PIWIL3: variants seen among roughly 807,000 people sequenced by gnomAD.
PIWIL3 encodes piwi like RNA-mediated gene silencing 3, also known as piwi-like protein 3.
Under a neutral mutation model 109.7 loss-of-function variants are expected in PIWIL3, and 101 were observed. The ratio of observed to expected loss-of-function variants is 0.92; its 90% CI spans 0.78 to 1.09. PIWIL3 has a LOEUF of 1.09. Among genes scored for constraint, PIWIL3 ranks in the 50% least tolerant of loss-of-function variants. PIWIL3 has a pLI of 0.00. For missense variants in PIWIL3, 1,031 were observed against 1,072.6 expected (o/e 0.96, Z 0.54); for synonymous variants, 373 against 376.4 (o/e 0.99, Z 0.10).
At chr22:24,770,586 G>A (rs1926075093) in intron 1 of PIWIL3, among the ~76,000 whole-genome samples, 1 of 150,866 alleles carries the variant, frequency 6.6e-6, no homozygotes, top group African/African-American at 2.4e-5. Context: ...ACTTTGGGAA[G>A]CTGAGGCGGG....
At chr22:24,724,158 C>T (rs773661172) in intron 18 of PIWIL3, among the ~76,000 whole-genome samples, 7 of 152,092 alleles carry the variant, frequency 4.6e-5, no homozygotes, top group Admixed American at 2.0e-4. Context: ...GTCTTCCCGG[C>T]GCTCCCCCAC....
At chr22:24,740,434 G>A (rs528517835) in intron 12 of PIWIL3, among the ~76,000 whole-genome samples, 14 of 150,662 alleles carry the variant, frequency 9.3e-5, no homozygotes, top group African/African-American at 2.2e-4. Flanking sequence ...TGTAGTCCCC[G>A]TTGCTTGGGA....
At chr22:24,761,071 T>A (rs964697466) in intron 2 of PIWIL3, among the ~76,000 whole-genome samples, 2 of 151,958 alleles carry the variant, frequency 1.3e-5, no homozygotes, top group African/African-American at 2.4e-5. Context: ...GTCCTTCTGA[T>A]GAGGTGGGTA....
At chr22:24,721,325 T>C (rs1922661426) in intron 19 of PIWIL3, among the ~76,000 whole-genome samples, 3 of 152,242 alleles carry the variant, frequency 2.0e-5, no homozygotes, top group Non-Finnish European at 4.4e-5. Flanking sequence ...TTTTAAATTT[T>C]CTTATGCCTG....
At chr22:24,726,648 T>C (rs1428478840) in intron 16 of PIWIL3, among the ~76,000 whole-genome samples, 4 of 152,218 alleles carry the variant, frequency 2.6e-5, no homozygotes, top group East Asian at 1.9e-4. Context: ...TTTTACACTA[T>C]TAAAATAAGT....
At position 24,723,209 on chromosome 22, in the gene PIWIL3, A is replaced by T; in HGVS notation, c.2278T>A (p.Phe760Ile). Reference protein sequence around the residue: ...IVVKKRINTRFFLKHGSNFQN... With the variant: ...IVVKKRINTRIFLKHGSNFQN... ...AAATTGCTTCCATGTTTAAGAAAAAATCTAGTGTTTATTCGTTTCTTCACC... is the reference window on the plus strand; with the variant it reads ...AAATTGCTTCCATGTTTAAGAAAAATTCTAGTGTTTATTCGTTTCTTCACC... Residue 760 changes from phenylalanine to isoleucine, a missense_variant, in exon 19 of 21, where the codon TTT (phenylalanine) becomes ATT (isoleucine). Coordinates refer to ENST00000616349, the MANE Select transcript of PIWIL3 (RefSeq NM_001255975.1). 1 of 1,610,816 alleles carries T rather than the reference A, an allele frequency of 6.2e-7. No individual in the cohort carries two copies. The highest frequency in any genetic ancestry group is 1.1e-5 in the South Asian group (1 of 91,000).
intron 13 of PIWIL3, among the ~76,000 whole-genome samples, chr22:24,735,076 G>A (rs1028228730): frequency 4.6e-5 from 7 of 152,082 alleles, no homozygotes; most frequent in African/African-American, 1.7e-4. Context: ...TAAATTAGTG[G>A]TCCTCAGAGG....
intron 12 of PIWIL3, among the ~76,000 whole-genome samples, chr22:24,741,360 C>A (rs1480071214): frequency 6.6e-6 from 1 of 152,108 alleles, no homozygotes; most frequent in South Asian, 2.1e-4. Context: ...TAAAAATTAG[C>A]CGGGCCTGGT....
chr22:24,761,872 AGTGGACCTGGAAGGCATCGTG>A, intron 2 of PIWIL3: 1 of 820,012 alleles, frequency 1.2e-6, no homozygotes, highest in South Asian at 5.6e-5. Flanking sequence ...CAGCAGAATA[AGTGGACCTGGAAGGCATCGTG>A]CTACTTCCAT....
rs775536418 is a variant in PIWIL3 at position 24,719,788 on chromosome 22, C to T, written c.2465G>A (p.Arg822His). 1.4e-5 allele frequency: 22 copies of T among 1,613,074 alleles called. No individual in the cohort carries two copies. Among genetic ancestry groups the T allele is most frequent in the East Asian group, 6.7e-5 (3 of 44,890 alleles). Residue 822 changes from arginine to histidine, a missense_variant, in exon 20 of 21, where the codon CGT becomes CAT. Arg to His is a conservative substitution (Grantham distance 29). Coordinates refer to ENST00000616349, the MANE Select transcript of PIWIL3 (RefSeq NM_001255975.1). ...TIGLSPDTVQRLTYCLCHMYY... is the reference protein window; with the variant it reads ...TIGLSPDTVQHLTYCLCHMYY... ...CATGTGGCATAGACAATATGTTAAACGCTGTACTGTATCTGGGCTCAAGCC... is the reference window on the plus strand; with the variant it reads ...CATGTGGCATAGACAATATGTTAAATGCTGTACTGTATCTGGGCTCAAGCC...
At chr22:24,755,495 T>G (rs993183690) in intron 6 of PIWIL3, among the ~76,000 whole-genome samples, 3 of 152,256 alleles carry the variant, frequency 2.0e-5, no homozygotes, top group Non-Finnish European at 4.4e-5. Context: ...AAAATGCATT[T>G]GCTACAGAGA....
At chr22:24,759,792 A>G in intron 3 of PIWIL3, 77 bp downstream of exon 3, 1 of 1,600,752 alleles carries the variant, frequency 6.2e-7, no homozygotes, top group South Asian at 1.1e-5. Flanking sequence ...GAGGCTATCT[A>G]GAACCTTCTA....
chr22:24,767,329 A>C (rs1012302727), intron 1 of PIWIL3, among the ~76,000 whole-genome samples: 6 of 152,004 alleles, frequency 3.9e-5, no homozygotes, highest in Non-Finnish European at 8.8e-5. Flanking sequence ...TGAGGTCAGG[A>C]GTTCGAGACC....
At chr22:24,719,669 A>C (rs1487953140) in intron 20 of PIWIL3, 79 bp downstream of exon 20, 3 of 1,533,356 alleles carry the variant, frequency 2.0e-6, no homozygotes, top group Non-Finnish European at 2.7e-6. Flanking sequence ...CATAGAAGCC[A>C]GTTCAGAGGT....
chr22:24,738,077 G>GT lies in PIWIL3; in HGVS notation c.1450-2186dup, dbSNP rs1162237517. The stretch of plus-strand genomic sequence containing the variant: ...GAGGCATGAGAATCGCTTGAACCCA[G>GT]TAAGTGGAGGTTGCAGTGAGCCAAG... On this transcript the variant is annotated intron_variant, in intron 12 of 20. Transcript: ENST00000616349. Among the ~76,000 whole-genome samples the GT allele has an allele frequency of 3.3e-5, 5 of 152,176 alleles. No homozygotes were observed. The East Asian group carries it at 9.6e-4, about 29-fold the overall frequency.
chr22:24,747,635 C>T (rs975740392), intron 12 of PIWIL3, among the ~76,000 whole-genome samples: 6 of 152,096 alleles, frequency 3.9e-5, no homozygotes, highest in Non-Finnish European at 8.8e-5. Context: ...GGACAAAACA[C>T]TTGAACAGAC....
chr22:24,745,931 G>A (rs1924341199), intron 12 of PIWIL3, among the ~76,000 whole-genome samples: 1 of 151,994 alleles, frequency 6.6e-6, no homozygotes, highest in Admixed American at 6.6e-5. Context: ...AACCAGAACA[G>A]ACCAATAACA....
In PIWIL3 at chr22:24,751,490, T is replaced by C. The variant is rs1265601916; in HGVS notation, c.986A>G (p.Asn329Ser). 6.2e-7 allele frequency: 1 copy of C among 1,610,024 alleles called. No individual in the cohort carries two copies. Among genetic ancestry groups the C allele is most frequent in the African/African-American group, 1.3e-5 (1 of 74,686 alleles). Reference protein sequence around the residue: ...IGSIVLTKYNNKTYRVDDIDW... With the variant: ...IGSIVLTKYNSKTYRVDDIDW... ...AATATCATCTACTCTGTAGGTTTTG[T>C]TGTTGTATCTGTGGAATAATTACAA... The change falls in exon 9 of 21, where the codon AAC becomes AGC. Residue 329 changes from asparagine (N) to serine (S), a missense_variant. Transcript: ENST00000616349.
rs1397941846 is a variant in PIWIL3 at position 24,767,897 on chromosome 22, C to T, written c.-22-5376G>A. Among the ~76,000 whole-genome samples, 3 of 152,322 alleles carry T rather than the reference C, an allele frequency of 2.0e-5. No individual in the cohort carries two copies. In the East Asian group the frequency reaches 5.8e-4, roughly 29 times the overall value. ...GATTAGAAGGCAAGCCTACCTATCC[C>T]CAGAGCCAACCTCCTTTGCCCCTCA... On this transcript the variant is annotated intron_variant, in intron 1 of 20. Transcript: ENST00000616349.
Sources: allele counts gnomAD v4.1 joint callset (sites outside exome capture counted in the v4.1 genomes callset), GRCh38; gene constraint gnomAD v4.1.1; transcripts MANE v1.5; gene names NCBI Gene and HGNC (gene_info 2026-07-23, HGNC 2026-07-21).